The following TENM4 variants were observed in gnomAD, a reference collection of about 807,000 sequenced individuals.
TENM4 encodes the protein teneurin-4.
A neutral mutation model predicts 243.3 loss-of-function variants in TENM4; 82 were observed. The observed-to-expected ratio is 0.34, with a 90% CI of 0.28 to 0.40. The LOEUF is 0.40. Among genes scored for constraint, TENM4 ranks in the 10% least tolerant of loss-of-function variants. The pLI is 1.00. For synonymous variants in TENM4, 1,412 were observed against 1,456.3 expected, an observed-to-expected ratio of 0.97 and a Z score of 0.69; for missense variants, 3,138 against 3,673.3, an observed-to-expected ratio of 0.85 and a Z score of 3.77.
intron 11 of TENM4, among the ~76,000 whole-genome samples, chr11:78,854,998 A>G (rs1858643933): frequency 1.3e-5 from 2 of 152,230 alleles, no homozygotes; most frequent in Non-Finnish European, 2.9e-5. Context: ...TGTGTTAACA[A>G]CAAGTAGGTG....
intron 9 of TENM4, among the ~76,000 whole-genome samples, chr11:78,867,491 G>C (rs12286159): frequency 0.021 from 3,132 of 152,268 alleles, 116 homozygotes; most frequent in African/African-American, 0.072. Flanking sequence ...CTGGGTTATG[G>C]GAGAGGGGGA....
Position 79,069,825 on chromosome 11 carries a change from G to C in TENM4, c.120C>G (p.Ser40Arg), listed in dbSNP as rs1371069851. The change falls in exon 5 of 34, where the codon AGC becomes AGG. Residue 40 changes from serine (S) to arginine (R), a missense_variant. By Grantham distance (110) the Ser-to-Arg change is moderately radical. Around this residue, in one of 2 missense-constraint regions of TENM4, gnomAD observed 671 missense variants for 614.1 expected, o/e 1.09. Coordinates refer to ENST00000278550, the MANE Select transcript of TENM4 (RefSeq NM_001098816.3). ...EEGKAPQKSY[S>R]SSETLKAYDQ... Reference sequence around the variant, plus strand: ...CGTAGGCCTTCAGGGTCTCGCTGGAGCTGTACGATTTCTGCGGGGCTTTGC... The same window carrying C: ...CGTAGGCCTTCAGGGTCTCGCTGGACCTGTACGATTTCTGCGGGGCTTTGC... 1.9e-6 allele frequency: 3 copies of C among 1,551,012 alleles called. No individual in the cohort carries two copies.
At chr11:79,348,937 A>C (rs1202505687) in intron 1 of TENM4, among the ~76,000 whole-genome samples, 1 of 152,238 alleles carries the variant, frequency 6.6e-6, no homozygotes, top group Non-Finnish European at 1.5e-5. Flanking sequence ...TGCCCAATAA[A>C]TGATCGTTTT....
At chr11:78,942,140 T>C (rs1471942896) in intron 6 of TENM4, among the ~76,000 whole-genome samples, 2 of 146,092 alleles carry the variant, frequency 1.4e-5, no homozygotes, top group African/African-American at 5.1e-5. Context: ...CTTCTGGGTG[T>C]GGTGGCTCAT....
intron 1 of TENM4, among the ~76,000 whole-genome samples, chr11:79,324,949 C>CACCTCTCTGTGCCTTCAGTCCCT (rs1856949538): frequency 6.6e-6 from 1 of 152,196 alleles, no homozygotes; most frequent in Admixed American, 6.5e-5. Flanking sequence ...AGGCAGGCCC[C>CACCTCTCTGTGCCTTCAGTCCCT]ACCTCTCTGT....
intron 6 of TENM4, among the ~76,000 whole-genome samples, chr11:79,032,675 C>T (rs1230184367): frequency 6.6e-6 from 1 of 152,176 alleles, no homozygotes; most frequent in African/African-American, 2.4e-5. Context: ...CATTCACCTT[C>T]AACAGAAAGA....
chr11:78,742,714 C>T (rs549764946), intron 19 of TENM4, among the ~76,000 whole-genome samples: 24 of 152,266 alleles, frequency 1.6e-4, no homozygotes, highest in Admixed American at 6.5e-4. Flanking sequence ...GTGCCCTTGC[C>T]GACGCCAACA....
chr11:79,159,961 GATTT>G (rs1456518201), intron 3 of TENM4, among the ~76,000 whole-genome samples: 2 of 151,974 alleles, frequency 1.3e-5, no homozygotes, highest in African/African-American at 4.8e-5. Flanking sequence ...TTTTCTTGTT[GATTT>G]ATTTATTCAC....
intron 12 of TENM4, among the ~76,000 whole-genome samples, chr11:78,834,345 T>C (rs933326733): frequency 6.6e-6 from 1 of 152,224 alleles, no homozygotes; most frequent in Non-Finnish European, 1.5e-5. Context: ...TATTATTTTG[T>C]TTCCTTTGAG....
chr11:78,950,668 C>T (rs770249459), intron 6 of TENM4, among the ~76,000 whole-genome samples: 1 of 152,124 alleles, frequency 6.6e-6, no homozygotes, highest in Non-Finnish European at 1.5e-5. Context: ...TAAGACTGTA[C>T]GATAACTGGG....
At chr11:78,867,766 G>C (rs760868305) in intron 9 of TENM4, among the ~76,000 whole-genome samples, 32 of 152,280 alleles carry the variant, frequency 2.1e-4, no homozygotes, top group Non-Finnish European at 3.2e-4. Context: ...AATAGAAATA[G>C]AGCTATAGTG....
At chr11:78,738,757 CAA>C (rs1203363968) in intron 19 of TENM4, among the ~76,000 whole-genome samples, 187 bp from the exon 20 acceptor site, 1 of 152,184 alleles carries the variant, frequency 6.6e-6, no homozygotes, top group Non-Finnish European at 1.5e-5. Flanking sequence ...TTTAGGGCAT[CAA>C]AGTGTCCTTG....
chr11:79,171,658 A>G (rs912985849), intron 3 of TENM4, among the ~76,000 whole-genome samples: 1 of 152,224 alleles, frequency 6.6e-6, no homozygotes, highest in African/African-American at 2.4e-5. Context: ...GAAGACAATC[A>G]GACAGGGGGA....
At chr11:79,269,949 T>C (rs907657788) in intron 2 of TENM4, among the ~76,000 whole-genome samples, 18 of 152,174 alleles carry the variant, frequency 1.2e-4, no homozygotes, top group African/African-American at 4.3e-4. Context: ...GCTCTGTAGA[T>C]GTCCTGCTAT....
intron 19 of TENM4, among the ~76,000 whole-genome samples, chr11:78,752,442 G>A (rs189568843): frequency 8.1e-4 from 123 of 152,342 alleles, no homozygotes; most frequent in South Asian, 1.9e-3. Flanking sequence ...GGCTCCCTGA[G>A]GCTGACCCAG....
At chr11:78,932,647 A>G (rs374629509) in intron 6 of TENM4, among the ~76,000 whole-genome samples, 3 of 152,232 alleles carry the variant, frequency 2.0e-5, no homozygotes, top group East Asian at 3.9e-4. Context: ...GTGGTCCCCA[A>G]CCTTTTTGGA....
chr11:79,427,457 C>T (rs890783185), intron 1 of TENM4, among the ~76,000 whole-genome samples: 7 of 152,102 alleles, frequency 4.6e-5, no homozygotes, highest in Non-Finnish European at 7.4e-5. Flanking sequence ...ATTAATGGAA[C>T]GGGGAAACGA....
At chr11:78,964,672 G>A (rs1292159574) in intron 6 of TENM4, among the ~76,000 whole-genome samples, 1 of 152,076 alleles carries the variant, frequency 6.6e-6, no homozygotes, top group Non-Finnish European at 1.5e-5. Context: ...AATTAACCTT[G>A]TCTTCAGTTC....
At chr11:78,834,546 A>G (rs1367492595) in intron 12 of TENM4, among the ~76,000 whole-genome samples, 1 of 152,112 alleles carries the variant, frequency 6.6e-6, no homozygotes, top group Admixed American at 6.6e-5. Context: ...GCACTACCAG[A>G]GTCTTTTGGT....
Sources: gnomAD v4.1 joint callset for allele counts (sites outside exome capture counted in the v4.1 genomes callset) on GRCh38, gnomAD v4.1.1 for gene constraint, gnomAD v4.1.1 regional missense constraint, MANE v1.5 for transcripts, NCBI Gene and HGNC (gene_info 2026-07-23, HGNC 2026-07-21) for gene names.